Variants in CCDC148 observed in about 807,000 individuals in gnomAD.
CCDC148 encodes the protein coiled-coil domain containing 148.
Under a neutral mutation model 85.7 loss-of-function variants are expected in CCDC148, and 89 were observed. The observed-to-expected ratio is 1.04, with a 90% CI of 0.87 to 1.24. The LOEUF (loss-of-function observed/expected upper bound fraction) is 1.24, where lower values mean the gene tolerates loss of function less well. CCDC148 is among the 50% of genes most tolerant of loss of function. CCDC148 has a pLI of 0.00. For missense variants in CCDC148, 692 were observed against 671.7 expected (o/e 1.03, Z -0.33); for synonymous variants, 230 against 213.9 (o/e 1.08, Z -0.66).
chr2:158,296,122 G>T (rs374679185), intron 9 of CCDC148, among the ~76,000 whole-genome samples: 35 of 152,204 alleles, frequency 2.3e-4, no homozygotes, highest in African/African-American at 8.2e-4. Context: ...ACTACATTTG[G>T]TGTCGTATCT....
Position 158,172,097 on chromosome 2 carries a change from A to G in CCDC148, c.*16T>C. 1 of 1,556,226 alleles carries G rather than the reference A, an allele frequency of 6.4e-7. No individual in the cohort carries two copies. Among genetic ancestry groups the G allele is most frequent in the Non-Finnish European group, 8.7e-7 (1 of 1,153,558 alleles). Reference sequence around the variant, plus strand: ...AAAGAAAAATGCTCTTTACATATAGAATTTGAGGATGAGCTCTATATTTTA... The same window carrying G: ...AAAGAAAAATGCTCTTTACATATAGGATTTGAGGATGAGCTCTATATTTTA... On this transcript the variant is annotated 3_prime_UTR_variant, in exon 14 of 14. Transcript: ENST00000283233.
chr2:158,241,596 T>A (rs996231150), intron 10 of CCDC148, among the ~76,000 whole-genome samples: 1 of 152,146 alleles, frequency 6.6e-6, no homozygotes, highest in South Asian at 2.1e-4. Context: ...AACAAGCAAA[T>A]GAATGAATGA....
chr2:158,371,030 T>C (rs753060436), intron 1 of CCDC148, among the ~76,000 whole-genome samples: 1 of 152,032 alleles, frequency 6.6e-6, no homozygotes, highest in Non-Finnish European at 1.5e-5. Flanking sequence ...TAAATTTTTC[T>C]TATTTTATAG....
At chr2:158,355,257 G>C (rs917453856) in intron 2 of CCDC148, among the ~76,000 whole-genome samples, 44 of 152,032 alleles carry the variant, frequency 2.9e-4, no homozygotes, top group Non-Finnish European at 4.9e-4. Context: ...GGAAATAAAG[G>C]ATATTCAATT....
At chr2:158,253,033 T>C (rs1024911852) in intron 9 of CCDC148, among the ~76,000 whole-genome samples, 1 of 151,786 alleles carries the variant, frequency 6.6e-6, no homozygotes, top group Non-Finnish European at 1.5e-5. Flanking sequence ...GGATTTTTTT[T>C]ATTACTATGT....
At chr2:158,191,011 G>C (rs16842731) in intron 11 of CCDC148, among the ~76,000 whole-genome samples, 1 of 151,710 alleles carries the variant, frequency 6.6e-6, no homozygotes, top group Non-Finnish European at 1.5e-5. Flanking sequence ...ATAATATTTC[G>C]GTCTAGTTCT....
At chr2:158,352,322 CTT>C (rs879172101) in intron 2 of CCDC148, among the ~76,000 whole-genome samples, 1 of 151,850 alleles carries the variant, frequency 6.6e-6, no homozygotes, top group Non-Finnish European at 1.5e-5. Flanking sequence ...AAGTTGAAAA[CTT>C]TGAAAAAAAT....
intron 1 of CCDC148, among the ~76,000 whole-genome samples, chr2:158,411,761 C>T (rs1258820901): frequency 6.6e-6 from 1 of 151,916 alleles, no homozygotes; most frequent in Non-Finnish European, 1.5e-5. Flanking sequence ...TTTCACATTC[C>T]TTGTAGTATT....
At chr2:158,243,091 T>C (rs1688419695) in intron 10 of CCDC148, among the ~76,000 whole-genome samples, 1 of 152,092 alleles carries the variant, frequency 6.6e-6, no homozygotes, top group Non-Finnish European at 1.5e-5. Context: ...CCCCTTTCTC[T>C]GCCTTGCAGT....
At chr2:158,240,729 C>T (rs1326201643) in intron 10 of CCDC148, among the ~76,000 whole-genome samples, 1 of 152,108 alleles carries the variant, frequency 6.6e-6, no homozygotes, top group Non-Finnish European at 1.5e-5. Flanking sequence ...GAAAGGCATT[C>T]AGTCACAGGC....
chr2:158,206,154 TA>T (rs1348461602), intron 11 of CCDC148, among the ~76,000 whole-genome samples: 13 of 152,306 alleles, frequency 8.5e-5, no homozygotes, highest in Non-Finnish European at 1.8e-4. Context: ...CTCTGTTTCA[TA>T]AACAAGAGTT....
chr2:158,185,333 A>G (rs1685103655), intron 11 of CCDC148, among the ~76,000 whole-genome samples: 1 of 152,112 alleles, frequency 6.6e-6, no homozygotes, highest in Admixed American at 6.6e-5. Context: ...GACAGCTGAA[A>G]ACCTCAGGCT....
intron 10 of CCDC148, among the ~76,000 whole-genome samples, chr2:158,239,226 ACTGT>A (rs1688243914): frequency 6.6e-6 from 1 of 152,042 alleles, no homozygotes; most frequent in Non-Finnish European, 1.5e-5. Flanking sequence ...TTTCTCTAAA[ACTGT>A]CTAATGGGAA....
At chr2:158,211,341 C>T (rs13425636) in intron 11 of CCDC148, among the ~76,000 whole-genome samples, 10,901 of 152,152 alleles carry the variant, frequency 0.072, 578 homozygotes, top group African/African-American at 0.15. Flanking sequence ...ATGTTCTATT[C>T]GGAATTACAG....
chr2:158,434,179 G>C (rs1292633159), intron 1 of CCDC148, among the ~76,000 whole-genome samples: 1 of 152,162 alleles, frequency 6.6e-6, no homozygotes, highest in Non-Finnish European at 1.5e-5. Context: ...TCCTCAAGTG[G>C]GTCCCTGATC....
chr2:158,394,191 CA>C (rs1224252139), intron 1 of CCDC148, among the ~76,000 whole-genome samples: 1 of 151,898 alleles, frequency 6.6e-6, no homozygotes, highest in Non-Finnish European at 1.5e-5. Context: ...CTAATATATG[CA>C]AAACATTTGC....
At chr2:158,323,924 T>A (rs1692638495) in intron 7 of CCDC148, among the ~76,000 whole-genome samples, 1 of 102,862 alleles carries the variant, frequency 9.7e-6, no homozygotes, top group African/African-American at 6.0e-5. Context: ...AATAACTTTT[T>A]TTTTTTTTTT....
chr2:158,339,557 A>C (rs1045073703), intron 5 of CCDC148, among the ~76,000 whole-genome samples: 2 of 152,326 alleles, frequency 1.3e-5, no homozygotes, highest in African/African-American at 4.8e-5. Context: ...GTTTATGCTC[A>C]ATTGAGGGGA....
At chr2:158,223,923 C>G (rs1687343488) in intron 10 of CCDC148, among the ~76,000 whole-genome samples, 1 of 152,200 alleles carries the variant, frequency 6.6e-6, no homozygotes. Flanking sequence ...CTCTCCTTCT[C>G]CAAAGGAATG....
Sources: gnomAD v4.1 joint callset for allele counts (sites outside exome capture counted in the v4.1 genomes callset) on GRCh38, gnomAD v4.1.1 for gene constraint, MANE v1.5 for transcripts, NCBI Gene and HGNC (gene_info 2026-07-23, HGNC 2026-07-21) for gene names.